Variants in ANK2 observed in about 807,000 individuals in gnomAD.
ANK2 encodes the protein ankyrin-2.
ANK2 carries 83 observed loss-of-function variants against 360.5 expected under a neutral mutation model. The ratio of observed to expected loss-of-function variants is 0.23; its 90% CI spans 0.19 to 0.28. The LOEUF (loss-of-function observed/expected upper bound fraction) is 0.28, where lower values mean the gene tolerates loss of function less well. Among genes scored for constraint, ANK2 ranks in the 10% least tolerant of loss-of-function variants. The probability of loss-of-function intolerance (pLI) is 1.00; values close to 1 mark genes in which losing one functional copy is unlikely to be tolerated. For synonymous variants in ANK2, 1,740 were observed against 1,759.5 expected (o/e 0.99, Z 0.28); for missense variants, 4,201 against 4,795.7 (o/e 0.88, Z 3.66).
chr4:112,853,255 G>A (rs2065480686), intron 1 of ANK2, among the ~76,000 whole-genome samples: 2 of 152,252 alleles, frequency 1.3e-5, no homozygotes, highest in African/African-American at 4.8e-5. Context: ...TTTTAGTAGA[G>A]ATGGGGTTTC....
intron 1 of ANK2, chr4:113,145,856 C>A: frequency 7.8e-7 from 1 of 1,289,590 alleles, no homozygotes; most frequent in Non-Finnish European, 1.0e-6. Flanking sequence ...ACAGCAGGAA[C>A]TGTAGAGCTG....
intron 1 of ANK2, among the ~76,000 whole-genome samples, chr4:112,866,001 CCA>C (rs1378505249): frequency 6.6e-6 from 1 of 152,186 alleles, no homozygotes; most frequent in African/African-American, 2.4e-5. Context: ...CCTTACTTCA[CCA>C]CTTTGGTGGC....
At chr4:113,135,612 A>G (rs1260495377) in intron 1 of ANK2, among the ~76,000 whole-genome samples, 1 of 152,006 alleles carries the variant, frequency 6.6e-6, no homozygotes, top group East Asian at 1.9e-4. Context: ...TTTCCCTGAC[A>G]TTAGCAATGA....
chr4:112,997,876 CACAT>C (rs1327067895), intron 2 of ANK2, among the ~76,000 whole-genome samples: 2 of 150,976 alleles, frequency 1.3e-5, no homozygotes, highest in Non-Finnish European at 2.9e-5. Context: ...TACACACACA[CACAT>C]ACACATACAT....
At chr4:113,336,240 T>C (rs986261976) in intron 30 of ANK2, 183 bp downstream of exon 30, 5 of 664,286 alleles carry the variant, frequency 7.5e-6, no homozygotes, top group East Asian at 5.7e-5. Context: ...ATTCAACTTA[T>C]ATTTGGACAA....
chr4:113,256,619 T>C (rs2049490382), intron 11 of ANK2, among the ~76,000 whole-genome samples: 1 of 152,232 alleles, frequency 6.6e-6, no homozygotes, highest in South Asian at 2.1e-4. Flanking sequence ...ATTGGAAGTA[T>C]TAGACATGTA....
At chr4:113,231,137 C>T (rs542320437) in intron 4 of ANK2, among the ~76,000 whole-genome samples, 5 of 151,656 alleles carry the variant, frequency 3.3e-5, no homozygotes, top group African/African-American at 7.3e-5. Context: ...CTGTAATCTC[C>T]GCCTCCCGGA....
intron 40 of ANK2, among the ~76,000 whole-genome samples, chr4:113,364,537 CT>C (rs1343500633): frequency 5.3e-5 from 8 of 152,224 alleles, no homozygotes; most frequent in Non-Finnish European, 8.8e-5. Context: ...AATTGCTTTA[CT>C]TAGCATTGTT....
At chr4:112,774,538 GCTAA>G in the ANK2 span, among the ~76,000 whole-genome samples, 2 of 152,136 alleles carry the variant, frequency 1.3e-5, no homozygotes, top group East Asian at 3.9e-4. Context: ...AAAATAAATA[GCTAA>G]CTAACGAACT....
intron 2 of ANK2, among the ~76,000 whole-genome samples, chr4:112,951,093 A>ATTT (rs2094949595): frequency 6.6e-6 from 1 of 151,290 alleles, no homozygotes; most frequent in Non-Finnish European, 1.5e-5. Context: ...AAAAAAAAAA[A>ATTT]AAAAAAAAAA....
At chr4:112,879,149 G>A (rs2076031788) in intron 1 of ANK2, among the ~76,000 whole-genome samples, 2 of 152,132 alleles carry the variant, frequency 1.3e-5, no homozygotes, top group Admixed American at 6.5e-5. Flanking sequence ...ACTAGGGATG[G>A]GTTGGAGTAA....
the ANK2 span, among the ~76,000 whole-genome samples, chr4:112,750,346 G>A: frequency 6.7e-6 from 1 of 148,922 alleles, no homozygotes; most frequent in Non-Finnish European, 1.5e-5. Flanking sequence ...GGGCGACAGA[G>A]TGAGAGCCTG....
chr4:112,718,222 C>T, the ANK2 span, among the ~76,000 whole-genome samples: 2 of 152,220 alleles, frequency 1.3e-5, no homozygotes, highest in Admixed American at 6.6e-5. Flanking sequence ...AAGGCTGAGC[C>T]TGACAGTGAG....
chr4:113,153,745 G>C (rs1442915440), intron 1 of ANK2, among the ~76,000 whole-genome samples: 1 of 152,166 alleles, frequency 6.6e-6, no homozygotes, highest in Non-Finnish European at 1.5e-5. Context: ...AGTGTACTCT[G>C]TGAACTACCA....
chr4:112,864,563 G>A (rs2069489491), intron 1 of ANK2, among the ~76,000 whole-genome samples: 1 of 151,912 alleles, frequency 6.6e-6, no homozygotes, highest in African/African-American at 2.4e-5. Flanking sequence ...GCCCACCCCG[G>A]CCTCCCAAAG....
At chr4:113,364,566 C>T (rs1340083841) in intron 40 of ANK2, among the ~76,000 whole-genome samples, 1 of 152,170 alleles carries the variant, frequency 6.6e-6, no homozygotes, top group South Asian at 2.1e-4. Context: ...TAGTGCATTA[C>T]CTTCTGTTTC....
intron 1 of ANK2, among the ~76,000 whole-genome samples, chr4:112,864,138 C>A (rs963488280): frequency 6.6e-6 from 1 of 151,990 alleles, no homozygotes; most frequent in South Asian, 2.1e-4. Flanking sequence ...GAAAACAGTT[C>A]AAAATAACAC....
At chr4:112,948,381 T>C (rs1312694842) in intron 2 of ANK2, among the ~76,000 whole-genome samples, 1 of 152,186 alleles carries the variant, frequency 6.6e-6, no homozygotes, top group Non-Finnish European at 1.5e-5. Context: ...CTGTTTGGAT[T>C]AAAGTTGAAC....
chr4:112,986,814 C>T (rs1035835495), intron 2 of ANK2, among the ~76,000 whole-genome samples: 4 of 152,144 alleles, frequency 2.6e-5, no homozygotes, highest in African/African-American at 9.7e-5. Flanking sequence ...ACCTTGAGCG[C>T]TTGCAGATGG....
Sources: allele counts gnomAD v4.1 joint callset (sites outside exome capture counted in the v4.1 genomes callset), GRCh38; gene constraint gnomAD v4.1.1; transcripts MANE v1.5; gene names NCBI Gene and HGNC (gene_info 2026-07-23, HGNC 2026-07-21).